The following LINGO2 variants were observed in gnomAD, a reference collection of about 807,000 sequenced individuals.
The protein encoded by LINGO2 is leucine rich repeat and Ig domain containing 2.
LINGO2 carries 14 observed loss-of-function variants against 30.6 expected under a neutral mutation model. The ratio of observed to expected loss-of-function variants is 0.46; its 90% CI spans 0.30 to 0.72. The LOEUF (loss-of-function observed/expected upper bound fraction) is 0.72, where lower values mean the gene tolerates loss of function less well. Among genes scored for constraint, LINGO2 ranks in the 30% least tolerant of loss-of-function variants. The pLI is 0.07. For synonymous variants in LINGO2, 317 were observed against 288.5 expected, an observed-to-expected ratio of 1.10 and a Z score of -1.00; for missense variants, 729 against 751.7, an observed-to-expected ratio of 0.97 and a Z score of 0.35.
the LINGO2 span, among the ~76,000 whole-genome samples, chr9:29,048,085 T>A: frequency 6.6e-6 from 1 of 152,080 alleles, no homozygotes; most frequent in Non-Finnish European, 1.5e-5. Flanking sequence ...CACTCCAGCC[T>A]GGGTGAGTAA....
intron 5 of LINGO2, among the ~76,000 whole-genome samples, chr9:27,981,550 AGAAAAAAAAG>A (rs1820865335): frequency 5.9e-5 from 7 of 117,696 alleles, no homozygotes; most frequent in South Asian, 3.1e-4. Context: ...AAAAAAAAAA[AGAAAAAAAAG>A]AAAAAAAAAG....
the LINGO2 span, among the ~76,000 whole-genome samples, chr9:29,189,060 GA>G: frequency 4.2e-5 from 4 of 94,662 alleles, no homozygotes; most frequent in African/African-American, 3.9e-5. Flanking sequence ...GCGGGGGGCT[GA>G]CCCCCCCCAC....
At chr9:28,935,767 C>G in the LINGO2 span, among the ~76,000 whole-genome samples, 1 of 151,832 alleles carries the variant, frequency 6.6e-6, no homozygotes, top group South Asian at 2.1e-4. Context: ...TTGAGCTAAT[C>G]TGATTACTTT....
the LINGO2 span, among the ~76,000 whole-genome samples, chr9:29,187,538 T>C: frequency 6.6e-6 from 1 of 152,198 alleles, no homozygotes; most frequent in Non-Finnish European, 1.5e-5. Flanking sequence ...ATTAGAAACA[T>C]AATGAATTTA....
intron 4 of LINGO2, among the ~76,000 whole-genome samples, chr9:28,023,058 G>A (rs1823212425): frequency 1.3e-5 from 2 of 151,894 alleles, no homozygotes; most frequent in Non-Finnish European, 2.9e-5. Context: ...TTAATCATGT[G>A]TTATTGTGTA....
At chr9:28,988,025 T>C in the LINGO2 span, among the ~76,000 whole-genome samples, 6 of 152,200 alleles carry the variant, frequency 3.9e-5, no homozygotes, top group African/African-American at 1.4e-4. Context: ...ATGAACTGTT[T>C]TATGCAGGTC....
At chr9:28,126,587 C>T (rs1367306162) in intron 4 of LINGO2, among the ~76,000 whole-genome samples, 3 of 152,192 alleles carry the variant, frequency 2.0e-5, no homozygotes, top group Non-Finnish European at 4.4e-5. Flanking sequence ...GGCCATTAGG[C>T]AAAGGTGAAG....
At chr9:28,663,724 A>G (rs1270529500) in intron 1 of LINGO2, among the ~76,000 whole-genome samples, 1 of 152,196 alleles carries the variant, frequency 6.6e-6, no homozygotes, top group East Asian at 1.9e-4. Context: ...GAACACATAA[A>G]CCATTTAAAA....
At chr9:28,435,650 T>C (rs1587670566) in intron 2 of LINGO2, among the ~76,000 whole-genome samples, 9 of 152,318 alleles carry the variant, frequency 5.9e-5, no homozygotes, top group African/African-American at 2.2e-4. Context: ...ATTTGTCCCA[T>C]GATCTTCAGT....
At chr9:28,284,104 T>C (rs1823423099) in intron 4 of LINGO2, among the ~76,000 whole-genome samples, 1 of 152,144 alleles carries the variant, frequency 6.6e-6, no homozygotes, top group African/African-American at 2.4e-5. Flanking sequence ...TAGTCTACTG[T>C]AACAGTGCTA....
the LINGO2 span, among the ~76,000 whole-genome samples, chr9:29,109,329 A>G: frequency 7.2e-5 from 11 of 152,152 alleles, no homozygotes; most frequent in African/African-American, 2.7e-4. Flanking sequence ...TTTATGTTAA[A>G]TCTAAAGCTT....
In LINGO2 at chr9:28,467,819, T is replaced by C. The variant is rs1015251379; in HGVS notation, c.-279+8121A>G. ...TTGAGTCATATATTAGAGTAGGAAA[T>C]AACATAATACAACTGTGTCAACATG... is the stretch of plus-strand genomic sequence containing the variant. On this transcript the variant is annotated intron_variant, in intron 2 of 5. Transcript: ENST00000379992. Among the ~76,000 whole-genome samples the C allele has an allele frequency of 1.3e-5, 2 of 151,996 alleles. 1 individual carries two copies. The highest frequency in any genetic ancestry group is 2.9e-5 in the Non-Finnish European group (2 of 67,988).
chr9:28,309,627 AATTT>A (rs1437876972), intron 3 of LINGO2, among the ~76,000 whole-genome samples: 7 of 152,178 alleles, frequency 4.6e-5, no homozygotes, highest in Non-Finnish European at 1.0e-4. Context: ...AGCTAAGATT[AATTT>A]ACTATTAAAG....
At chr9:28,289,472 G>A (rs908632362) in intron 4 of LINGO2, among the ~76,000 whole-genome samples, 1 of 152,122 alleles carries the variant, frequency 6.6e-6, no homozygotes, top group Non-Finnish European at 1.5e-5. Flanking sequence ...AATTATTTGT[G>A]CATTTTCCCC....
the LINGO2 span, among the ~76,000 whole-genome samples, chr9:29,170,305 G>T: frequency 6.6e-6 from 1 of 152,040 alleles, no homozygotes; most frequent in African/African-American, 2.4e-5. Context: ...GCAGCAACAC[G>T]AATGGAACCA....
intron 4 of LINGO2, among the ~76,000 whole-genome samples, chr9:28,218,667 T>C (rs1820854228): frequency 1.3e-5 from 2 of 152,042 alleles, no homozygotes; most frequent in South Asian, 2.1e-4. Context: ...TTCTCCACCA[T>C]GAAGGACAAA....
chr9:28,233,039 T>TATATATAA (rs1554690890), intron 4 of LINGO2, among the ~76,000 whole-genome samples: 1 of 103,866 alleles, frequency 9.6e-6, no homozygotes, highest in Non-Finnish European at 1.9e-5. Flanking sequence ...ATTATATATA[T>TATATATAA]ATATATATAT....
chr9:28,173,097 T>C (rs192145767), intron 4 of LINGO2, among the ~76,000 whole-genome samples: 3 of 152,290 alleles, frequency 2.0e-5, no homozygotes, highest in African/African-American at 4.8e-5. Flanking sequence ...AATACTCTCA[T>C]TGATTGTAGT....
intron 1 of LINGO2, among the ~76,000 whole-genome samples, chr9:28,530,920 T>C (rs1821210769): frequency 6.6e-6 from 1 of 151,678 alleles, no homozygotes; most frequent in African/African-American, 2.4e-5. Context: ...CAATGTCATA[T>C]GCCAAGTCCT....
Sources: gnomAD v4.1 joint callset for allele counts (sites outside exome capture counted in the v4.1 genomes callset) on GRCh38, gnomAD v4.1.1 for gene constraint, MANE v1.5 for transcripts, NCBI Gene and HGNC (gene_info 2026-07-23, HGNC 2026-07-21) for gene names.